SCFD2: variants seen among roughly 807,000 people sequenced by gnomAD.
SCFD2 encodes sec1 family domain-containing protein 2.
A neutral mutation model predicts 58.9 loss-of-function variants in SCFD2; 54 were observed. The ratio of observed to expected loss-of-function variants is 0.92; its 90% CI spans 0.74 to 1.15. The LOEUF (loss-of-function observed/expected upper bound fraction) is 1.15. Ranked by LOEUF, SCFD2 falls within the 50% of genes most tolerant of loss-of-function variation. The pLI is 0.00. For missense variants in SCFD2, 805 were observed against 836.6 expected (o/e 0.96, Z 0.47); for synonymous variants, 321 against 335.9 (o/e 0.96, Z 0.49).
chr4:53,095,368 A>G (rs929462166), intron 5 of SCFD2, among the ~76,000 whole-genome samples: 1 of 151,692 alleles, frequency 6.6e-6, no homozygotes, highest in African/African-American at 2.4e-5. Flanking sequence ...TTTTCCTTAT[A>G]TCTCACATCT....
intron 5 of SCFD2, among the ~76,000 whole-genome samples, chr4:52,946,565 T>A (rs922004079): frequency 7.9e-5 from 12 of 152,166 alleles, no homozygotes; most frequent in Non-Finnish European, 1.6e-4. Flanking sequence ...AAATGACTTA[T>A]CATCATAACA....
chr4:53,075,591 G>C (rs1271780360), intron 5 of SCFD2, among the ~76,000 whole-genome samples: 1 of 152,118 alleles, frequency 6.6e-6, no homozygotes, highest in Admixed American at 6.6e-5. Flanking sequence ...ACACTTAGAG[G>C]CCACTGTAAG....
chr4:52,931,365 T>C (rs1719989842), intron 5 of SCFD2, among the ~76,000 whole-genome samples: 1 of 152,156 alleles, frequency 6.6e-6, no homozygotes, highest in Non-Finnish European at 1.5e-5. Flanking sequence ...CTGCACCTGA[T>C]AGAAGAACAC....
intron 4 of SCFD2, among the ~76,000 whole-genome samples, chr4:53,229,424 T>C (rs1729353377): frequency 6.6e-6 from 1 of 152,134 alleles, no homozygotes; most frequent in Non-Finnish European, 1.5e-5. Flanking sequence ...AAAACAGAGA[T>C]ATAGACCAAT....
At chr4:53,217,662 T>C (rs560239319) in intron 4 of SCFD2, among the ~76,000 whole-genome samples, 2 of 152,346 alleles carry the variant, frequency 1.3e-5, no homozygotes, top group East Asian at 3.9e-4. Context: ...AATATCGTTA[T>C]GTGTGAATTT....
chr4:53,249,809 A>C (rs1315729264), intron 4 of SCFD2, among the ~76,000 whole-genome samples: 1 of 152,230 alleles, frequency 6.6e-6, no homozygotes, highest in Non-Finnish European at 1.5e-5. Flanking sequence ...AGCACTAAAC[A>C]TGGAAAGGAA....
intron 4 of SCFD2, among the ~76,000 whole-genome samples, chr4:53,227,750 A>G (rs1054228387): frequency 3.9e-5 from 6 of 152,170 alleles, no homozygotes; most frequent in Non-Finnish European, 8.8e-5. Context: ...TCCAGGGTAT[A>G]TATTTATTCA....
intron 3 of SCFD2, among the ~76,000 whole-genome samples, chr4:53,278,528 CA>C (rs34375006): frequency 5.7e-3 from 685 of 119,266 alleles, no homozygotes; most frequent in African/African-American, 0.013. Context: ...GACTCCATCT[CA>C]AAAAAAAAAA....
intron 2 of SCFD2, among the ~76,000 whole-genome samples, chr4:53,343,447 T>G (rs1325337484): frequency 6.6e-6 from 1 of 152,020 alleles, no homozygotes; most frequent in African/African-American, 2.4e-5. Flanking sequence ...GTTCTGAAAT[T>G]GAGGCAATAA....
chr4:53,171,720 G>A (rs1456820134), intron 4 of SCFD2, among the ~76,000 whole-genome samples: 1 of 152,038 alleles, frequency 6.6e-6, no homozygotes, highest in African/African-American at 2.4e-5. Flanking sequence ...CTTCATGATA[G>A]TAGGTTGTAT....
intron 5 of SCFD2, among the ~76,000 whole-genome samples, chr4:52,959,897 A>ACACACACACACACAC (rs1720804700): frequency 7.2e-6 from 1 of 138,114 alleles, no homozygotes; most frequent in African/African-American, 2.7e-5. Context: ...TCCAAATTGA[A>ACACACACACACACAC]ACACACACAC....
intron 4 of SCFD2, among the ~76,000 whole-genome samples, chr4:53,234,979 TC>T (rs1375934729): frequency 3.3e-5 from 5 of 152,244 alleles, no homozygotes; most frequent in Non-Finnish European, 7.3e-5. Context: ...ACCACGGTCT[TC>T]CCATCTTTTG....
At chr4:53,346,546 T>G (rs1734065063) in intron 2 of SCFD2, among the ~76,000 whole-genome samples, 1 of 152,140 alleles carries the variant, frequency 6.6e-6, no homozygotes, top group Non-Finnish European at 1.5e-5. Flanking sequence ...AGCGCTGGGA[T>G]TACAGGCATG....
chr4:53,108,596 C>A (rs1725074177), intron 5 of SCFD2, among the ~76,000 whole-genome samples: 1 of 152,128 alleles, frequency 6.6e-6, no homozygotes, highest in Non-Finnish European at 1.5e-5. Context: ...CACCTCTACA[C>A]AAATAAACTA....
intron 5 of SCFD2, among the ~76,000 whole-genome samples, chr4:53,083,809 G>A (rs1283746668): frequency 2.0e-5 from 3 of 152,112 alleles, no homozygotes; most frequent in African/African-American, 7.2e-5. Context: ...AAAAGGGGAG[G>A]GGGCGTAAGA....
intron 4 of SCFD2, among the ~76,000 whole-genome samples, chr4:53,208,900 G>A (rs1728518013): frequency 6.6e-6 from 1 of 152,104 alleles, no homozygotes; most frequent in South Asian, 2.1e-4. Context: ...TTGCCTGCCT[G>A]CCTTTAGGCA....
At chr4:53,301,081 GC>G (rs1468502036) in intron 3 of SCFD2, among the ~76,000 whole-genome samples, 1 of 151,982 alleles carries the variant, frequency 6.6e-6, no homozygotes, top group African/African-American at 2.4e-5. Context: ...CTAGCAGAAG[GC>G]AAGAAATAAC....
chr4:53,084,340 C>G (rs1187221228), intron 5 of SCFD2, among the ~76,000 whole-genome samples: 1 of 152,100 alleles, frequency 6.6e-6, no homozygotes, highest in Non-Finnish European at 1.5e-5. Flanking sequence ...AAATATGGCT[C>G]TTTTTGCCCG....
chr4:53,242,627 G>T (rs886386924), intron 4 of SCFD2, among the ~76,000 whole-genome samples: 13 of 152,180 alleles, frequency 8.5e-5, no homozygotes, highest in African/African-American at 3.1e-4. Flanking sequence ...CTTAACCAAG[G>T]TGAGATGGCT....
Sources: gnomAD v4.1 joint callset for allele counts (sites outside exome capture counted in the v4.1 genomes callset) on GRCh38, gnomAD v4.1.1 for gene constraint, MANE v1.5 for transcripts, NCBI Gene and HGNC (gene_info 2026-07-23, HGNC 2026-07-21) for gene names.